Variants in TENM4 observed in about 807,000 individuals in gnomAD.
TENM4 encodes the protein teneurin-4.
In TENM4, 82 loss-of-function variants were observed where a neutral mutation model predicts 243.3. The observed-to-expected ratio is 0.34, with a 90% CI of 0.28 to 0.40. TENM4 has a LOEUF of 0.40. Among genes scored for constraint, TENM4 ranks in the 10% least tolerant of loss-of-function variants. The probability of loss-of-function intolerance (pLI) is 1.00; values close to 1 mark genes in which losing one functional copy is unlikely to be tolerated. For synonymous variants in TENM4, 1,412 were observed against 1,456.3 expected, an observed-to-expected ratio of 0.97 and a Z score of 0.69; for missense variants, 3,138 against 3,673.3, an observed-to-expected ratio of 0.85 and a Z score of 3.77.
At chr11:79,320,322 T>C (rs926993298) in intron 1 of TENM4, among the ~76,000 whole-genome samples, 1 of 152,200 alleles carries the variant, frequency 6.6e-6, no homozygotes, top group African/African-American at 2.4e-5. Flanking sequence ...ACTATCTAAA[T>C]TGTGGGCAAT....
At chr11:79,014,918 C>T (rs1858734406) in intron 6 of TENM4, among the ~76,000 whole-genome samples, 1 of 152,204 alleles carries the variant, frequency 6.6e-6, no homozygotes, top group Non-Finnish European at 1.5e-5. Context: ...GCCTCTGCCC[C>T]TGCACTAACT....
At chr11:79,409,453 GA>G (rs1858652108) in intron 1 of TENM4, among the ~76,000 whole-genome samples, 1 of 152,146 alleles carries the variant, frequency 6.6e-6, no homozygotes, top group Non-Finnish European at 1.5e-5. Context: ...AAAATGGAAT[GA>G]GGGGCGGCAG....
intron 1 of TENM4, among the ~76,000 whole-genome samples, chr11:79,433,187 T>A (rs528994908): frequency 6.6e-6 from 1 of 152,302 alleles, no homozygotes; most frequent in African/African-American, 2.4e-5. Flanking sequence ...GAGCAGTAGA[T>A]AGCTTGAAAT....
At chr11:78,900,340 A>G (rs146108395) in intron 7 of TENM4, among the ~76,000 whole-genome samples, 4 of 152,318 alleles carry the variant, frequency 2.6e-5, no homozygotes, top group Admixed American at 6.5e-5. Context: ...GGTATGTCTG[A>G]TCCTAAAACC....
chr11:79,156,245 A>C (rs10793370), intron 3 of TENM4, among the ~76,000 whole-genome samples: 47,314 of 152,056 alleles, frequency 0.31, 7,815 homozygotes, highest in African/African-American at 0.42. Context: ...TCTGTCCTGC[A>C]CAGACCATTG....
At chr11:78,665,460 C>A (rs771365964) in intron 32 of TENM4, among the ~76,000 whole-genome samples, 2 of 152,064 alleles carry the variant, frequency 1.3e-5, no homozygotes, top group East Asian at 1.9e-4. Context: ...TTAGCAGAGA[C>A]GAGATTTCGC....
chr11:78,976,878 C>T (rs1857669257), intron 6 of TENM4, among the ~76,000 whole-genome samples: 1 of 152,188 alleles, frequency 6.6e-6, no homozygotes, highest in Admixed American at 6.5e-5. Context: ...AAGCATTTGC[C>T]AAATACCTTT....
chr11:79,097,926 A>G (rs1393980730), intron 4 of TENM4: 1 of 152,184 alleles, frequency 6.6e-6, no homozygotes, highest in Non-Finnish European at 1.5e-5. Context: ...CACACTGACC[A>G]CCAGCAAATA....
chr11:79,053,923 A>C (rs1263319242), intron 6 of TENM4, among the ~76,000 whole-genome samples: 1 of 152,130 alleles, frequency 6.6e-6, no homozygotes, highest in Non-Finnish European at 1.5e-5. Context: ...TGTGAAATTA[A>C]ATTTGTGGTA....
chr11:78,721,047 G>A (rs530436483), intron 24 of TENM4, among the ~76,000 whole-genome samples: 1 of 152,280 alleles, frequency 6.6e-6, no homozygotes, highest in South Asian at 2.1e-4. Context: ...TCTCTTATTG[G>A]AAAGAGGTGA....
chr11:78,825,452 C>A (rs1402288142), intron 12 of TENM4, among the ~76,000 whole-genome samples: 1 of 152,212 alleles, frequency 6.6e-6, no homozygotes, highest in African/African-American at 2.4e-5. Flanking sequence ...GCCCTACCCA[C>A]CAGAGTTTCC....
intron 1 of TENM4, among the ~76,000 whole-genome samples, chr11:79,418,593 T>G (rs1858867333): frequency 6.6e-6 from 1 of 152,214 alleles, no homozygotes; most frequent in South Asian, 2.1e-4. Context: ...ATTTCTCATT[T>G]TCCTGTGGAT....
At position 78,758,220 on chromosome 11, in the gene TENM4, C is replaced by T. The variant is rs78957438; in HGVS notation, c.2540-1199G>A. On this transcript the variant is annotated intron_variant, in intron 18 of 33. Coordinates refer to ENST00000278550, the MANE Select transcript of TENM4 (RefSeq NM_001098816.3). ...CAGCTGTGTGACTTTGGGAAACTTC[C>T]TCACCACCGTGGGAGCGCACAGATC... Among the ~76,000 whole-genome samples the T allele has an allele frequency of 9.5e-3, 1,453 of 152,286 alleles. 11 individuals are homozygous for T. The highest frequency in any genetic ancestry group is 0.017 in the Middle Eastern group (5 of 294).
At chr11:79,255,654 T>C (rs148905613) in intron 2 of TENM4, among the ~76,000 whole-genome samples, 4 of 152,276 alleles carry the variant, frequency 2.6e-5, no homozygotes, top group African/African-American at 9.6e-5. Context: ...GCCAATGAGT[T>C]TTCAATTATC....
rs540112577 is a variant in TENM4 at position 79,231,526 on chromosome 11, A to T, written c.-264-15617T>A. Among the ~76,000 whole-genome samples the T allele has an allele frequency of 6.2e-4, 95 of 152,274 alleles. 2 individuals carry two copies. In the South Asian group the frequency reaches 0.019, roughly 31 times the overall value. The stretch of plus-strand genomic sequence containing the variant: ...ATTCTGGATAAAATAATCAGACATG[A>T]TCCTTAGCATCAGGGGGCTTACATC... On this transcript the variant is annotated intron_variant, in intron 2 of 33. Transcript: ENST00000278550.
chr11:79,295,669 G>A (rs1418212700), intron 2 of TENM4, among the ~76,000 whole-genome samples: 1 of 152,066 alleles, frequency 6.6e-6, no homozygotes, highest in Non-Finnish European at 1.5e-5. Context: ...GCAGGTGAAG[G>A]GGAAAAGGCT....
chr11:79,261,911 C>A (rs1363799131), intron 2 of TENM4, among the ~76,000 whole-genome samples: 2 of 152,112 alleles, frequency 1.3e-5, no homozygotes, highest in African/African-American at 2.4e-5. Flanking sequence ...TGGATGAAAG[C>A]AAGTCATATG....
chr11:79,420,578 G>A (rs1157205025), intron 1 of TENM4, among the ~76,000 whole-genome samples: 3 of 152,088 alleles, frequency 2.0e-5, no homozygotes, highest in African/African-American at 4.8e-5. Context: ...TTGGAGATTC[G>A]CATAAGCATA....
At chr11:79,185,960 C>T (rs1863373131) in intron 3 of TENM4, among the ~76,000 whole-genome samples, 3 of 152,120 alleles carry the variant, frequency 2.0e-5, no homozygotes, top group Admixed American at 1.3e-4. Flanking sequence ...TGGCATTTTA[C>T]ATGTATAGAA....
Sources: allele counts gnomAD v4.1 joint callset (sites outside exome capture counted in the v4.1 genomes callset), GRCh38; gene constraint gnomAD v4.1.1; transcripts MANE v1.5; gene names NCBI Gene and HGNC (gene_info 2026-07-23, HGNC 2026-07-21).